The following ADAMTSL1 variants were observed in gnomAD, a reference collection of about 807,000 sequenced individuals.
The protein encoded by ADAMTSL1 is ADAMTS-like protein 1.
Under a neutral mutation model 201.8 loss-of-function variants are expected in ADAMTSL1, and 126 were observed. The observed-to-expected ratio is 0.62, with a 90% confidence interval of 0.54 to 0.72. The LOEUF (loss-of-function observed/expected upper bound fraction) is 0.72, where lower values mean the gene tolerates loss of function less well. Among genes scored for constraint, ADAMTSL1 ranks in the 30% least tolerant of loss-of-function variants. The probability of loss-of-function intolerance (pLI) is 0.00; values close to 1 mark genes in which losing one functional copy is unlikely to be tolerated. For missense variants in ADAMTSL1, 2,679 were observed against 2,277.8 expected (o/e 1.18, Z -3.59); for synonymous variants, 1,121 against 903.4 (o/e 1.24, Z -4.32).
intron 4 of ADAMTSL1, among the ~76,000 whole-genome samples, chr9:18,607,625 A>G (rs185375968): frequency 4.6e-5 from 7 of 152,126 alleles, no homozygotes; most frequent in African/African-American, 1.4e-4. Context: ...TGTGCACAAC[A>G]TGCAGGTTTG....
chr9:18,755,393 G>T (rs1218370580), intron 16 of ADAMTSL1, among the ~76,000 whole-genome samples: 1 of 152,134 alleles, frequency 6.6e-6, no homozygotes, highest in Non-Finnish European at 1.5e-5. Context: ...TGGATAAAAT[G>T]TTTACTGAAT....
chr9:18,419,241 C>G (rs1364742736), intron 2 of ADAMTSL1, among the ~76,000 whole-genome samples: 1 of 152,064 alleles, frequency 6.6e-6, no homozygotes, highest in Non-Finnish European at 1.5e-5. Context: ...AACTATAAAA[C>G]TTTTCAAAGA....
At chr9:18,123,152 G>T (rs140618599) in intron 1 of ADAMTSL1, among the ~76,000 whole-genome samples, 13 of 152,150 alleles carry the variant, frequency 8.5e-5, no homozygotes, top group Non-Finnish European at 1.9e-4. Flanking sequence ...CTTAGGAAAA[G>T]CTGGCTTCAG....
chr9:18,756,876 T>C (rs1819807531), intron 16 of ADAMTSL1, among the ~76,000 whole-genome samples: 2 of 152,232 alleles, frequency 1.3e-5, no homozygotes. Flanking sequence ...GAAGAAAACA[T>C]AAATTATGTA....
At chr9:18,334,299 T>G (rs1770782465) in intron 2 of ADAMTSL1, among the ~76,000 whole-genome samples, 1 of 152,192 alleles carries the variant, frequency 6.6e-6, no homozygotes, top group African/African-American at 2.4e-5. Flanking sequence ...TAAGCTTTTG[T>G]TGGAAAACCC....
intron 1 of ADAMTSL1, among the ~76,000 whole-genome samples, chr9:18,157,898 G>A (rs930203900): frequency 2.0e-5 from 3 of 151,954 alleles, no homozygotes; most frequent in African/African-American, 7.2e-5. Context: ...GCTACTTCAA[G>A]CATCTTTTTC....
At position 18,289,351 on chromosome 9, in the gene ADAMTSL1, A is replaced by T. The variant is rs145147530; in HGVS notation, c.207+125370A>T. Among the ~76,000 whole-genome samples the T allele has an allele frequency of 5.3e-5, 8 of 152,296 alleles. No individual in the cohort carries two copies. The East Asian group carries it at 1.5e-3, about 29-fold the overall frequency. On this transcript the variant is annotated intron_variant, in intron 2 of 29. Coordinates refer to the ADAMTSL1 transcript ENST00000680146. Reference sequence around the variant, plus strand: ...GGAGGGCTAAGAAGTACCCTCACAGATACCCAGAATGATGTTTAACCAAGT... The same window carrying T: ...GGAGGGCTAAGAAGTACCCTCACAGTTACCCAGAATGATGTTTAACCAAGT...
chr9:18,403,790 T>C (rs2185378), intron 2 of ADAMTSL1, among the ~76,000 whole-genome samples: 3,084 of 152,286 alleles, frequency 0.02, 119 homozygotes, highest in East Asian at 0.15. Flanking sequence ...TTCTGAAATT[T>C]TACTTTCTTT....
intron 1 of ADAMTSL1, among the ~76,000 whole-genome samples, chr9:18,062,547 T>G (rs1000071590): frequency 2.0e-5 from 3 of 152,126 alleles, no homozygotes; most frequent in South Asian, 2.1e-4. Context: ...TTTTGAGACA[T>G]CTACCTTTAA....
chr9:18,662,134 T>C, intron 9 of ADAMTSL1, 61 bp downstream of exon 9: 1 of 1,553,336 alleles, frequency 6.4e-7, no homozygotes, highest in Non-Finnish European at 8.7e-7. Flanking sequence ...ATAGGTTATT[T>C]AAATTAAAAT....
At chr9:18,625,759 G>T (rs935521982) in intron 5 of ADAMTSL1, among the ~76,000 whole-genome samples, 1 of 152,120 alleles carries the variant, frequency 6.6e-6, no homozygotes, top group African/African-American at 2.4e-5. Flanking sequence ...GATATTTCCA[G>T]CTTTGCAGAA....
At chr9:17,970,113 C>T (rs1035013704) in intron 1 of ADAMTSL1, among the ~76,000 whole-genome samples, 4 of 151,906 alleles carry the variant, frequency 2.6e-5, no homozygotes, top group Non-Finnish European at 5.9e-5. Flanking sequence ...TGATATTTTC[C>T]TCTTAATGGG....
Position 18,564,222 on chromosome 9 carries a change from C to G in ADAMTSL1, c.238-9808C>G, listed in dbSNP as rs376082401. 2.5e-4 allele frequency among the ~76,000 whole-genome samples: 38 copies of G among 152,330 alleles called. 1 individual carries two copies. The South Asian group carries it at 6.4e-3, about 26-fold the overall frequency. On this transcript the variant is annotated intron_variant, in intron 3 of 28. Coordinates refer to ENST00000380548, the MANE Select transcript of ADAMTSL1 (RefSeq NM_001040272.6). ...TACTGGCTGGGCCGGATAGCACCGT[C>G]CCTCGTGCACAGTGCCTCATGGCTT... is the stretch of plus-strand genomic sequence containing the variant.
chr9:18,680,421 G>A lies in ADAMTSL1; in HGVS notation c.1246G>A (p.Glu416Lys), dbSNP rs1342702139. 3.7e-6 allele frequency: 6 copies of A among 1,614,060 alleles called. No individual in the cohort carries two copies. Among genetic ancestry groups the A allele is most frequent in the African/African-American group, 1.3e-5 (1 of 74,908 alleles). The change falls in exon 11 of 29, where the codon GAA becomes AAA. Residue 416 changes from glutamate (E) to lysine (K), a missense_variant. Glu to Lys is a moderately conservative substitution (Grantham distance 56). Transcript: ENST00000380548. ...EDIQGHVTSVEEWKCMYTPKM... is the reference protein window; with the variant it reads ...EDIQGHVTSVKEWKCMYTPKM... ...CATCCAGGGGCATGTCACTTCAGTG[G>A]AAGAGTGGAAATGCATGTACACCCC...
intron 2 of ADAMTSL1, among the ~76,000 whole-genome samples, chr9:18,510,831 G>A (rs1457053600): frequency 3.9e-5 from 6 of 151,962 alleles, no homozygotes; most frequent in African/African-American, 2.4e-5. Context: ...ATGAATTAAA[G>A]TACTAGGTAC....
At chr9:18,719,553 G>A (rs1371793856) in intron 14 of ADAMTSL1, among the ~76,000 whole-genome samples, 6 of 152,090 alleles carry the variant, frequency 3.9e-5, no homozygotes, top group East Asian at 1.9e-4. Context: ...TAGTGGAGAC[G>A]GGATTTCACC....
intron 2 of ADAMTSL1, among the ~76,000 whole-genome samples, chr9:18,339,232 C>T (rs573357044): frequency 2.9e-4 from 44 of 152,116 alleles, no homozygotes; most frequent in African/African-American, 6.5e-4. Flanking sequence ...AATATCCAGA[C>T]GCTATAAGGA....
At position 18,891,500 on chromosome 9, in the gene ADAMTSL1, T is replaced by C. The variant is rs532602778; in HGVS notation, c.4644-889T>C. Among the ~76,000 whole-genome samples the C allele has an allele frequency of 3.9e-5, 6 of 152,330 alleles. 1 individual carries two copies. The East Asian group carries it at 5.8e-4, about 15-fold the overall frequency. On this transcript the variant is annotated intron_variant, in intron 25 of 28. Transcript: ENST00000380548. ...ACAAGAATCCCTGCCTGTTTGTATA[T>C]GGACCGAGGATTTCCGAGTGTTCCT...
At chr9:17,995,759 A>C (rs932553316) in intron 1 of ADAMTSL1, among the ~76,000 whole-genome samples, 1 of 151,718 alleles carries the variant, frequency 6.6e-6, no homozygotes, top group Non-Finnish European at 1.5e-5. Context: ...ATATTATAGG[A>C]GTTAGAGTGC....
Sources: allele counts gnomAD v4.1 joint callset (sites outside exome capture counted in the v4.1 genomes callset), GRCh38; gene constraint gnomAD v4.1.1; transcripts MANE v1.5; gene names NCBI Gene and HGNC (gene_info 2026-07-23, HGNC 2026-07-21).